Variants in ZNF736 observed in about 807,000 individuals in gnomAD.
The protein encoded by ZNF736 is KRAB-containing zinc-finger repressor protein.
ZNF736 carries 6 observed loss-of-function variants against 11.7 expected under a neutral mutation model. That is an observed-to-expected ratio of 0.51 (90% CI 0.28 to 1.01). The LOEUF is 1.01. ZNF736 is among the 50% of genes least tolerant of loss of function. The pLI is 0.09. For synonymous variants in ZNF736, 139 were observed against 164.7 expected (o/e 0.84, Z 1.19); for missense variants, 444 against 496.0 (o/e 0.90, Z 1.00).
rs4718066 is a variant in ZNF736, at chr7:64,349,998, T to C, written c.*851T>C. The C allele has an allele frequency of 0.34, 51,903 of 151,998 alleles. 9,536 individuals carry two copies. The highest frequency in any genetic ancestry group is 0.49 in the African/African-American group (20,179 of 41,412). 9.4% of individuals were successfully genotyped at this position (151,998 alleles called of 1,614,324 possible). A position where few individuals can be genotyped will look rare whatever the true frequency, so the allele number is the denominator to read the frequency against. On this transcript the variant is annotated 3_prime_UTR_variant, in exon 4 of 4. Coordinates refer to ENST00000423484, the MANE Select transcript of ZNF736 (RefSeq NM_001170905.3). ...CTAGCTGCCTTTAACATATTTTTTCTTTCATTTTGACCCTGGAGAATCTCA... is the reference window on the plus strand; with the variant it reads ...CTAGCTGCCTTTAACATATTTTTTCCTTCATTTTGACCCTGGAGAATCTCA...
At position 64,343,846 on chromosome 7, in the gene ZNF736, G is replaced by A. The variant is rs1312076034; in HGVS notation, c.227-4244G>A. Among the ~76,000 whole-genome samples the A allele has an allele frequency of 2.0e-5, 3 of 151,940 alleles. No individual in the cohort carries two copies. In the East Asian group the frequency reaches 5.8e-4, roughly 29 times the overall value. On this transcript the variant is annotated intron_variant, in intron 3 of 3. Coordinates refer to ENST00000423484, the MANE Select transcript of ZNF736 (RefSeq NM_001170905.3). Reference sequence around the variant, plus strand: ...CTCTGTACACATTAAAACAATGTTTGGACAAAAGTCAGATATTGATCAGTC... The same window carrying A: ...CTCTGTACACATTAAAACAATGTTTAGACAAAAGTCAGATATTGATCAGTC...
intron 3 of ZNF736, among the ~76,000 whole-genome samples, chr7:64,346,033 T>A (rs2115962586): frequency 6.6e-6 from 1 of 152,192 alleles, no homozygotes; most frequent in East Asian, 1.9e-4. Context: ...CTGTCTTGCT[T>A]TATGTATTAG....
intron 1 of ZNF736, among the ~76,000 whole-genome samples, chr7:64,323,097 G>A (rs1789024445): frequency 6.6e-6 from 1 of 152,084 alleles, no homozygotes; most frequent in Non-Finnish European, 1.5e-5. Flanking sequence ...TCTGTCTTAT[G>A]TGTTTGTATA....
At chr7:64,322,108 GT>G (rs908983299) in intron 1 of ZNF736, among the ~76,000 whole-genome samples, 30 of 148,834 alleles carry the variant, frequency 2.0e-4, no homozygotes, top group African/African-American at 4.4e-4. Flanking sequence ...ACATTTTATG[GT>G]TTTTTTTTTC....
intron 3 of ZNF736, 182 bp downstream of exon 3, chr7:64,337,164 A>C: frequency 1.6e-6 from 1 of 619,212 alleles, no homozygotes; most frequent in Middle Eastern, 4.3e-4. Flanking sequence ...TGAATTTTCC[A>C]AGCACTGTAC....
At chr7:64,320,520 TC>T (rs1444674847) in intron 1 of ZNF736, among the ~76,000 whole-genome samples, 1 of 152,252 alleles carries the variant, frequency 6.6e-6, no homozygotes, top group Non-Finnish European at 1.5e-5. Flanking sequence ...TAAAAAAACT[TC>T]AATTTTTTTT....
At chr7:64,316,162 A>T (rs571394432) in intron 1 of ZNF736, among the ~76,000 whole-genome samples, 15 of 152,368 alleles carry the variant, frequency 9.8e-5, no homozygotes, top group African/African-American at 3.1e-4. Flanking sequence ...AGCAAACATT[A>T]GCCCCTGGGT....
At chr7:64,342,107 G>T (rs1221335443) in intron 3 of ZNF736, among the ~76,000 whole-genome samples, 1 of 152,134 alleles carries the variant, frequency 6.6e-6, no homozygotes. Context: ...TTTTTATGCT[G>T]TAAGGATCTA....
intron 1 of ZNF736, among the ~76,000 whole-genome samples, chr7:64,329,984 C>CT (rs377345106): frequency 6.6e-5 from 10 of 152,186 alleles, no homozygotes; most frequent in African/African-American, 1.9e-4. Flanking sequence ...CCTTCCTACT[C>CT]TTTTTTCTCT....
At chr7:64,314,854 A>G (rs1441930004) in intron 1 of ZNF736, among the ~76,000 whole-genome samples, 1 of 152,202 alleles carries the variant, frequency 6.6e-6, no homozygotes, top group Non-Finnish European at 1.5e-5. Flanking sequence ...GATTACGTGC[A>G]TGACCCACCA....
At chr7:64,334,465 C>G (rs1343620228) in intron 1 of ZNF736, among the ~76,000 whole-genome samples, 1 of 152,034 alleles carries the variant, frequency 6.6e-6, no homozygotes, top group East Asian at 1.9e-4. Context: ...GCAATCCCAT[C>G]AAAAAGTGGG....
Position 64,350,862 on chromosome 7 carries a change from C to T in ZNF736, c.*1715C>T, listed in dbSNP as rs946226173. 8 of 151,926 alleles carry T rather than the reference C, an allele frequency of 5.3e-5. No individual in the cohort carries two copies. The highest frequency in any genetic ancestry group is 9.7e-5 in the African/African-American group (4 of 41,300). 9.4% of individuals were successfully genotyped at this position (151,926 alleles called of 1,614,324 possible). ...ACTCAGAGGCTGCATACTCTAACTC[C>T]GGGGGACTTGTTTTGAGCCCCAACT... On this transcript the variant is annotated 3_prime_UTR_variant, in exon 4 of 4. Transcript: ENST00000423484.
Position 64,345,084 on chromosome 7 carries a change from C to T in ZNF736, c.227-3006C>T, listed in dbSNP as rs916192003. ...TGTCACCCAGGCTGGAGTGCAGTGG[C>T]GCGATCTCGGCTCACTGCAAGCTCT... On this transcript the variant is annotated intron_variant, in intron 3 of 3. Coordinates refer to ENST00000423484, the MANE Select transcript of ZNF736 (RefSeq NM_001170905.3). Among the ~76,000 whole-genome samples, 11 of 151,036 alleles carry T rather than the reference C, an allele frequency of 7.3e-5. No individual in the cohort carries two copies. In the East Asian group the frequency reaches 1.8e-3, roughly 24 times the overall value.
intron 3 of ZNF736, among the ~76,000 whole-genome samples, chr7:64,338,875 A>G (rs1417098514): frequency 1.3e-5 from 2 of 152,044 alleles, no homozygotes; most frequent in African/African-American, 2.4e-5. Context: ...ATTGTATAGC[A>G]GTACTATTAA....
chr7:64,347,953 G>T (rs1226401409), intron 3 of ZNF736, 137 bp from the exon 4 acceptor site: 3 of 839,568 alleles, frequency 3.6e-6, no homozygotes, highest in Non-Finnish European at 3.4e-6. Flanking sequence ...GTATATTTCT[G>T]TTAGGTTTAT....
chr7:64,338,385 A>G (rs1247413599), intron 3 of ZNF736, among the ~76,000 whole-genome samples: 1 of 152,216 alleles, frequency 6.6e-6, no homozygotes, highest in African/African-American at 2.4e-5. Flanking sequence ...TCTCTCAGCA[A>G]ATTTTCAGCA....
In ZNF736 at chr7:64,350,807, T is replaced by C. The variant is rs953762232; in HGVS notation, c.*1660T>C. 1 of 151,092 alleles carries C rather than the reference T, an allele frequency of 6.6e-6. No homozygotes were observed. Among genetic ancestry groups the C allele is most frequent in the Non-Finnish European group, 1.5e-5 (1 of 68,264 alleles). The allele number at this position is 151,092 out of a possible 1,614,324, so 9.4% of individuals were successfully genotyped here. On this transcript the variant is annotated 3_prime_UTR_variant, in exon 4 of 4. Transcript: ENST00000423484. ...TGTTTTGTTTTGTTTTGTTTGGTGG[T>C]GGTGGTGGGTGGGCAATGCTCAGCT...
intron 1 of ZNF736, among the ~76,000 whole-genome samples, chr7:64,321,322 C>A (rs1356808932): frequency 1.3e-5 from 2 of 152,140 alleles, no homozygotes; most frequent in African/African-American, 4.8e-5. Context: ...TGCCTTTTAT[C>A]TTTGGGATGA....
chr7:64,318,455 A>C (rs748153176), intron 1 of ZNF736, among the ~76,000 whole-genome samples: 114 of 152,110 alleles, frequency 7.5e-4, no homozygotes, highest in African/African-American at 2.6e-3. Flanking sequence ...ATTCTTAACA[A>C]TTATTTTTGT....
Sources: allele counts gnomAD v4.1 joint callset (sites outside exome capture counted in the v4.1 genomes callset), GRCh38; gene constraint gnomAD v4.1.1; transcripts MANE v1.5; gene names NCBI Gene and HGNC (gene_info 2026-07-23, HGNC 2026-07-21).